UGT2B7: variants seen among roughly 807,000 people sequenced by gnomAD.
The protein encoded by UGT2B7 is UDP glucuronosyltransferase family 2 member B7, also known as UDP-glucuronosyltransferase 2B7.
UGT2B7 carries 51 observed loss-of-function variants against 51.9 expected under a neutral mutation model. That is an observed-to-expected ratio of 0.98 (90% CI 0.78 to 1.24). The LOEUF (loss-of-function observed/expected upper bound fraction) is 1.24, where lower values mean the gene tolerates loss of function less well. UGT2B7 is among the 50% of genes most tolerant of loss of function. UGT2B7 has a pLI of 0.00. For missense variants in UGT2B7, 727 were observed against 628.4 expected (o/e 1.16, Z -1.68); for synonymous variants, 225 against 211.6 (o/e 1.06, Z -0.55).
intron 5 of UGT2B7, among the ~76,000 whole-genome samples, 193 bp from the exon 6 acceptor site, chr4:69,112,263 CT>C (rs1433797251): frequency 6.6e-6 from 1 of 152,184 alleles, no homozygotes; most frequent in Non-Finnish European, 1.5e-5. Flanking sequence ...TCATGACCCT[CT>C]CACGCAGACC....
intron 1 of UGT2B7, among the ~76,000 whole-genome samples, chr4:69,072,091 AG>A (rs1718614211): frequency 6.6e-6 from 1 of 152,138 alleles, no homozygotes; most frequent in African/African-American, 2.4e-5. Flanking sequence ...TTTCACATAA[AG>A]TACCATGTAC....
chr4:69,107,029 A>T, intron 3 of UGT2B7, 146 bp from the exon 4 acceptor site: 1 of 856,268 alleles, frequency 1.2e-6, no homozygotes, highest in Non-Finnish European at 1.7e-6. Context: ...TGAGAAAATT[A>T]ATGTGAGTAT....
intron 1 of UGT2B7, 58 bp downstream of exon 1, chr4:69,097,299 A>C (rs1307421144): frequency 6.4e-6 from 10 of 1,563,670 alleles, no homozygotes; most frequent in Non-Finnish European, 4.3e-6. Context: ...TCTTTGAAGC[A>C]GAGCTTATAT....
At chr4:69,104,071 G>A (rs1719516019) in intron 3 of UGT2B7, among the ~76,000 whole-genome samples, 1 of 152,066 alleles carries the variant, frequency 6.6e-6, no homozygotes, top group Non-Finnish European at 1.5e-5. Context: ...GGCGAATCAC[G>A]AGGTCAGAAG....
At position 69,096,693 on chromosome 4, in the gene UGT2B7, C is replaced by T; in HGVS notation, c.173C>T (p.Ser58Phe). 1.2e-6 allele frequency: 2 copies of T among 1,614,000 alleles called. No individual in the cohort carries two copies. The highest frequency in any genetic ancestry group is 1.7e-6 in the Non-Finnish European group (2 of 1,179,930). Residue 58 changes from serine to phenylalanine, a missense_variant, in exon 1 of 6, where the codon TCT (serine) becomes TTT (phenylalanine). Ser to Phe is a radical substitution (Grantham distance 155). Coordinates refer to ENST00000305231, the MANE Select transcript of UGT2B7 (RefSeq NM_001074.4). ...GGTCATGAGGTGACTGTACTGGCAT[C>T]TTCAGCTTCCATTCTTTTTGATCCC... ...QRGHEVTVLA[S>F]SASILFDPNN...
At chr4:69,107,086 T>G in intron 3 of UGT2B7, 89 bp from the exon 4 acceptor site, 14 of 1,376,806 alleles carry the variant, frequency 1.0e-5, no homozygotes, top group Admixed American at 2.2e-5. Flanking sequence ...TAACATCCCT[T>G]GATCTCATTC....
At chr4:69,086,190 T>C (rs758386777) in intron 1 of UGT2B7, among the ~76,000 whole-genome samples, 35 of 151,862 alleles carry the variant, frequency 2.3e-4, no homozygotes, top group Non-Finnish European at 4.1e-4. Context: ...TTTTGTTATA[T>C]TGTCTTTCCA....
At chr4:69,071,203 A>G (rs776192289) in intron 1 of UGT2B7, among the ~76,000 whole-genome samples, 2 of 152,082 alleles carry the variant, frequency 1.3e-5, no homozygotes, top group Non-Finnish European at 2.9e-5. Context: ...ATAATGTTAC[A>G]TGATTTCTCT....
At position 69,079,449 on chromosome 4, in the gene UGT2B7, G is replaced by A. The variant is rs989744557; in HGVS notation, c.-158-10023G>A. 6.6e-5 allele frequency among the ~76,000 whole-genome samples: 10 copies of A among 152,210 alleles called. No homozygotes were observed. The South Asian group carries it at 8.3e-4, about 13-fold the overall frequency. ...GTATACATACGTAACAAACCTGTAC[G>A]TTGTGCACATGTACCCTAGAACTTA... On this transcript the variant is annotated intron_variant, in intron 1 of 5. Transcript: ENST00000502942.
chr4:69,063,324 A>AAAAAAAAG (rs1560499409), intron 1 of UGT2B7, among the ~76,000 whole-genome samples: 4 of 143,006 alleles, frequency 2.8e-5, no homozygotes, highest in African/African-American at 1.1e-4. Flanking sequence ...GTCTCAAAAA[A>AAAAAAAAG]AAAAAAAAAA....
intron 1 of UGT2B7, among the ~76,000 whole-genome samples, chr4:69,086,354 T>C (rs971771701): frequency 6.6e-6 from 1 of 151,822 alleles, no homozygotes; most frequent in Non-Finnish European, 1.5e-5. Context: ...ATTGACACCA[T>C]TTTGATTTTA....
intron 1 of UGT2B7, among the ~76,000 whole-genome samples, chr4:69,081,942 T>C (rs115766669): frequency 0.015 from 2,320 of 152,236 alleles, 59 homozygotes; most frequent in African/African-American, 0.053. Flanking sequence ...GCAAGTCTAC[T>C]GACATAATTT....
chr4:69,112,556 C>T lies in UGT2B7; in HGVS notation c.1410C>T (p.His470=), dbSNP rs373551678. Reference sequence around the variant, plus strand: ...TCTGGATTGAATTTGTCATGCGCCACAAAGGAGCTAAACACCTTCGGGTTG... The same window carrying T: ...TCTGGATTGAATTTGTCATGCGCCATAAAGGAGCTAAACACCTTCGGGTTG... The part of the protein sequence containing the change: ...AVFWIEFVMR[H]KGAKHLRVAA... Residue 470 remains histidine (H), a synonymous_variant, in exon 6 of 6, where the codon CAC becomes CAT. Transcript: ENST00000305231. 1.7e-5 allele frequency: 28 copies of T among 1,613,908 alleles called. No homozygotes were observed. The highest frequency in any genetic ancestry group is 1.7e-4 in the Middle Eastern group (1 of 6,056).
At chr4:69,065,897 T>C (rs1718473761) in intron 1 of UGT2B7, among the ~76,000 whole-genome samples, 1 of 152,198 alleles carries the variant, frequency 6.6e-6, no homozygotes, top group Admixed American at 6.5e-5. Flanking sequence ...GCCTAACAAT[T>C]ACTTAAATAT....
chr4:69,072,126 A>G (rs928281077), intron 1 of UGT2B7, among the ~76,000 whole-genome samples: 1 of 152,098 alleles, frequency 6.6e-6, no homozygotes, highest in African/African-American at 2.4e-5. Context: ...AAAGTATGTG[A>G]ATATGAAGGT....
chr4:69,087,402 T>C (rs1487152223), intron 1 of UGT2B7, among the ~76,000 whole-genome samples: 1 of 151,982 alleles, frequency 6.6e-6, no homozygotes, highest in African/African-American at 2.4e-5. Context: ...CATCTCTTAA[T>C]TGTAGTTATG....
intron 1 of UGT2B7, among the ~76,000 whole-genome samples, chr4:69,087,545 A>G (rs909014901): frequency 1.1e-4 from 17 of 152,060 alleles, no homozygotes; most frequent in Non-Finnish European, 1.5e-4. Context: ...ATGCCTTCAG[A>G]TGTATTCTTA....
intron 3 of UGT2B7, among the ~76,000 whole-genome samples, chr4:69,106,045 T>A (rs1403318771): frequency 2.0e-5 from 3 of 152,170 alleles, no homozygotes; most frequent in African/African-American, 7.2e-5. Context: ...AAGGAATAGC[T>A]AAAATTTTTA....
chr4:69,061,078 G>T (rs1400410250), intron 1 of UGT2B7, among the ~76,000 whole-genome samples: 2 of 152,182 alleles, frequency 1.3e-5, no homozygotes, highest in South Asian at 2.1e-4. Context: ...GTATGCAGTG[G>T]TGACTTTGGA....
Sources: gnomAD v4.1 joint callset for allele counts (sites outside exome capture counted in the v4.1 genomes callset) on GRCh38, gnomAD v4.1.1 for gene constraint, MANE v1.5 for transcripts, NCBI Gene and HGNC (gene_info 2026-07-23, HGNC 2026-07-21) for gene names.